The following CDK15 variants were observed in gnomAD, a reference collection of about 807,000 sequenced individuals.
CDK15 encodes cyclin-dependent kinase 15.
Under a neutral mutation model 60.3 loss-of-function variants are expected in CDK15, and 62 were observed. The observed-to-expected ratio is 1.03, with a 90% CI of 0.84 to 1.27. CDK15 has a LOEUF of 1.27. Ranked by LOEUF, CDK15 falls within the 50% of genes most tolerant of loss-of-function variation. The probability of loss-of-function intolerance (pLI) is 0.00; values close to 1 mark genes in which losing one functional copy is unlikely to be tolerated. For missense variants in CDK15, 541 were observed against 527.8 expected, an observed-to-expected ratio of 1.03 and a Z score of -0.25; for synonymous variants, 194 against 195.7, an observed-to-expected ratio of 0.99 and a Z score of 0.07.
chr2:201,814,949 ATTTTTT>A (rs5837791), intron 4 of CDK15, among the ~76,000 whole-genome samples: 2 of 124,892 alleles, frequency 1.6e-5, no homozygotes, highest in Non-Finnish European at 1.7e-5. Flanking sequence ...ACTAAGGAAC[ATTTTTT>A]TTTTTTTTTT....
intron 8 of CDK15, among the ~76,000 whole-genome samples, chr2:201,836,191 T>TATATA (rs1553524154): frequency 4.7e-5 from 5 of 106,970 alleles, no homozygotes; most frequent in Non-Finnish European, 8.7e-5. Flanking sequence ...ATATATTTTT[T>TATATA]TATATATATA....
At chr2:201,857,726 G>T (rs1314283953) in intron 10 of CDK15, among the ~76,000 whole-genome samples, 4 of 152,166 alleles carry the variant, frequency 2.6e-5, no homozygotes, top group African/African-American at 9.7e-5. Context: ...GGGCCATGGG[G>T]TCAGTATTAT....
chr2:201,878,778 A>G (rs1699171760), intron 11 of CDK15, among the ~76,000 whole-genome samples: 1 of 152,240 alleles, frequency 6.6e-6, no homozygotes, highest in African/African-American at 2.4e-5. Flanking sequence ...TCTCTGCTTC[A>G]CAGATGGCAC....
In CDK15 at chr2:201,894,073, C is replaced by CACACACACACACACACA. The variant is rs1699711019; in HGVS notation, c.*806_*807insACACACACACACACACA. On this transcript the variant is annotated 3_prime_UTR_variant, in exon 14 of 14. Coordinates refer to ENST00000652192, the MANE Select transcript of CDK15 (RefSeq NM_001366386.2). ...ATGTAATTTAAGCCCTGTTGCACCA[C>CACACACACACACACACA]CACACACACACACACACACACACAC... 1.4e-5 allele frequency: 2 copies of CACACACACACACACACA among 144,314 alleles called. No individual in the cohort carries two copies. Among genetic ancestry groups the CACACACACACACACACA allele is most frequent in the African/African-American group, 5.3e-5 (2 of 38,032 alleles). The allele number at this position is 144,314 out of a possible 1,614,324, so 8.9% of individuals were successfully genotyped here.
intron 9 of CDK15, among the ~76,000 whole-genome samples, chr2:201,853,652 T>C (rs965049138): frequency 2.6e-5 from 4 of 152,082 alleles, no homozygotes; most frequent in African/African-American, 9.7e-5. Flanking sequence ...AAGCTACTAG[T>C]GTTTTATTAG....
intron 8 of CDK15, among the ~76,000 whole-genome samples, chr2:201,845,113 C>T (rs1697591043): frequency 6.6e-6 from 1 of 151,600 alleles, no homozygotes; most frequent in African/African-American, 2.4e-5. Context: ...TGCACCACTG[C>T]ACTCCAGCCT....
At chr2:201,885,581 C>T (rs770734357) in intron 12 of CDK15, among the ~76,000 whole-genome samples, 3 of 152,154 alleles carry the variant, frequency 2.0e-5, no homozygotes, top group African/African-American at 4.8e-5. Context: ...TGGGTTGAGA[C>T]GTGGTTTATG....
At chr2:201,833,821 C>G (rs1293081587) in intron 6 of CDK15, 27 bp from the exon 7 acceptor site, 3 of 1,607,880 alleles carry the variant, frequency 1.9e-6, no homozygotes, top group Non-Finnish European at 2.5e-6. Context: ...CTCAAATCTC[C>G]TTATGGATAG....
intron 11 of CDK15, 109 bp downstream of exon 11, chr2:201,872,435 G>T: frequency 8.6e-7 from 1 of 1,167,364 alleles, no homozygotes; most frequent in South Asian, 1.2e-5. Context: ...ACTTCCATGT[G>T]GGGGCTCTAA....
At chr2:201,854,189 C>T (rs962806874) in intron 9 of CDK15, among the ~76,000 whole-genome samples, 15 of 152,054 alleles carry the variant, frequency 9.9e-5, no homozygotes, top group Admixed American at 5.2e-4. Context: ...AAAAAAACAT[C>T]GGTAATTCAA....
chr2:201,807,643 G>C lies in CDK15; in HGVS notation c.273G>C (p.Trp91Cys). Reference sequence around the variant, plus strand: ...AGGATCTGAGGCAGGGTTTTCAGTGGGTGAGTGAGCAGCTGATGTTGATCA... The same window carrying C: ...AGGATCTGAGGCAGGGTTTTCAGTGCGTGAGTGAGCAGCTGATGTTGATCA... ...QEEDLRQGFQ[W>C]RKSLPFGAAS... Residue 91 changes from tryptophan to cysteine, a missense_variant and splice_region_variant, in exon 2 of 14, where the codon TGG becomes TGC. Trp to Cys is a radical substitution (Grantham distance 215). Coordinates refer to ENST00000652192, the MANE Select transcript of CDK15 (RefSeq NM_001366386.2). The C allele has an allele frequency of 6.2e-7, 1 of 1,614,096 alleles. No homozygotes were observed. The highest frequency in any genetic ancestry group is 8.5e-7 in the Non-Finnish European group (1 of 1,180,006).
At chr2:201,873,879 C>G (rs1320715906) in intron 11 of CDK15, among the ~76,000 whole-genome samples, 1 of 152,116 alleles carries the variant, frequency 6.6e-6, no homozygotes, top group Non-Finnish European at 1.5e-5. Flanking sequence ...ATGGCAAAAC[C>G]CCGTCTCTAC....
chr2:201,822,363 G>A (rs78485058), intron 4 of CDK15, among the ~76,000 whole-genome samples: 4,873 of 152,220 alleles, frequency 0.032, 84 homozygotes, highest in African/African-American at 0.046. Context: ...CCTATTGACC[G>A]CTTGTGGGAG....
chr2:201,822,362 C>T (rs1559118165), intron 4 of CDK15, among the ~76,000 whole-genome samples: 5 of 152,296 alleles, frequency 3.3e-5, no homozygotes, highest in Non-Finnish European at 2.9e-5. Context: ...CCCTATTGAC[C>T]GCTTGTGGGA....
intron 10 of CDK15, among the ~76,000 whole-genome samples, chr2:201,855,348 C>T (rs1262959498): frequency 1.3e-5 from 2 of 152,188 alleles, no homozygotes; most frequent in Non-Finnish European, 2.9e-5. Context: ...GGTAGAGGCT[C>T]GCTAGGCCTA....
At chr2:201,873,284 A>C (rs908915537) in intron 11 of CDK15, among the ~76,000 whole-genome samples, 1 of 152,198 alleles carries the variant, frequency 6.6e-6, no homozygotes, top group Non-Finnish European at 1.5e-5. Context: ...AGGTATCTCC[A>C]GGACATCTGC....
intron 1 of CDK15, among the ~76,000 whole-genome samples, 177 bp downstream of exon 1, chr2:201,806,964 T>C (rs1695538086): frequency 6.6e-6 from 1 of 152,194 alleles, no homozygotes. Flanking sequence ...GAATTTCTTG[T>C]AAACCAAAAG....
chr2:201,872,870 A>G (rs1247423459), intron 11 of CDK15, among the ~76,000 whole-genome samples: 3 of 152,238 alleles, frequency 2.0e-5, no homozygotes, highest in Non-Finnish European at 4.4e-5. Flanking sequence ...AGAAGAACTC[A>G]GTGTTTTCGG....
chr2:201,862,957 G>A (rs1220488001), intron 10 of CDK15, among the ~76,000 whole-genome samples: 2 of 152,138 alleles, frequency 1.3e-5, no homozygotes, highest in African/African-American at 2.4e-5. Context: ...TTTCAGGAGT[G>A]TAATCTGAGT....
Sources: allele counts gnomAD v4.1 joint callset (sites outside exome capture counted in the v4.1 genomes callset), GRCh38; gene constraint gnomAD v4.1.1; transcripts MANE v1.5; gene names NCBI Gene and HGNC (gene_info 2026-07-23, HGNC 2026-07-21).